Variants in GFM2 observed in about 807,000 individuals in gnomAD.
GFM2 encodes the protein GTP dependent ribosome recycling factor mitochondrial 2, also known as ribosome-releasing factor 2, mitochondrial.
GFM2 carries 72 observed loss-of-function variants against 95.4 expected under a neutral mutation model. The observed-to-expected ratio is 0.76, with a 90% CI of 0.62 to 0.92. The LOEUF (loss-of-function observed/expected upper bound fraction) is 0.92. Ranked by LOEUF, GFM2 falls within the 40% of genes least tolerant of loss-of-function variation. GFM2 has a pLI of 0.00. For missense variants in GFM2, 825 were observed against 924.1 expected, an observed-to-expected ratio of 0.89 and a Z score of 1.39; for synonymous variants, 276 against 317.5, an observed-to-expected ratio of 0.87 and a Z score of 1.39.
rs1028896850 is a variant in GFM2, at chr5:74,745,608, A to G, written c.849+70T>C. On this transcript the variant is annotated intron_variant, in intron 10 of 20. Coordinates refer to ENST00000296805, the MANE Select transcript of GFM2 (RefSeq NM_032380.5). The stretch of plus-strand genomic sequence containing the variant: ...CTGCAACCAATCCCCGAGAGATGCT[A>G]AAGTATGACTATATTTTAAGATAAG... 2.0e-5 allele frequency: 27 copies of G among 1,319,712 alleles called. No individual in the cohort carries two copies. The East Asian group carries it at 3.6e-4, about 17-fold the overall frequency. 81.8% of individuals were successfully genotyped at this position (1,319,712 alleles called of 1,614,324 possible).
chr5:74,753,949 T>G (rs1743844316), intron 5 of GFM2, among the ~76,000 whole-genome samples: 1 of 148,268 alleles, frequency 6.7e-6, no homozygotes, highest in African/African-American at 2.5e-5. Context: ...GAAACAATTT[T>G]AAGAGTGTGG....
intron 16 of GFM2, among the ~76,000 whole-genome samples, chr5:74,731,930 G>A (rs370587177): frequency 3.4e-5 from 5 of 149,064 alleles, no homozygotes; most frequent in African/African-American, 9.9e-5. Context: ...TTTTTTAAAC[G>A]TAGTGCCAGT....
At chr5:74,727,993 AT>A (rs756558982) in intron 17 of GFM2, among the ~76,000 whole-genome samples, 9 of 152,032 alleles carry the variant, frequency 5.9e-5, no homozygotes, top group East Asian at 3.9e-4. Context: ...CTTCATCAAC[AT>A]CTCTCCTTTC....
Position 74,759,440 on chromosome 5 carries a change from AG to A in GFM2, c.149-15del. On this transcript the variant is annotated splice_polypyrimidine_tract_variant and intron_variant, in intron 3 of 20. Transcript: ENST00000296805. ...TTCCTATTAAGCCTAATGAAAAGAA[AG>A]TTAAAATTGAACTGTTACATTTATG... The A allele has an allele frequency of 7.1e-7, 1 of 1,402,188 alleles. No individual in the cohort carries two copies. The highest frequency in any genetic ancestry group is 2.3e-5 in the East Asian group (1 of 43,382). The allele number at this position is 1,402,188 out of a possible 1,614,324, so 86.9% of individuals were successfully genotyped here. A position where few individuals can be genotyped will look rare whatever the true frequency, so the allele number is the denominator to read the frequency against.
chr5:74,751,613 T>G, intron 5 of GFM2, 120 bp from the exon 6 acceptor site: 1 of 680,928 alleles, frequency 1.5e-6, no homozygotes, highest in Non-Finnish European at 2.4e-6. Context: ...AATATTTGGT[T>G]TAATAGAGCC....
At chr5:74,722,784 T>C in intron 19 of GFM2, 1 of 416,850 alleles carries the variant, frequency 2.4e-6, no homozygotes, top group Non-Finnish European at 4.2e-6. Context: ...TTATAAAAAA[T>C]GCCTGTGAAC....
chr5:74,730,187 G>A, intron 17 of GFM2, 73 bp downstream of exon 17: 1 of 1,406,426 alleles, frequency 7.1e-7, no homozygotes, highest in South Asian at 1.4e-5. Flanking sequence ...TATGAACACT[G>A]CTTTCAGCAA....
At chr5:74,724,028 G>A (rs553588172) in intron 19 of GFM2, among the ~76,000 whole-genome samples, 1 of 152,208 alleles carries the variant, frequency 6.6e-6, no homozygotes, top group Admixed American at 6.6e-5. Context: ...CTTACAAGCA[G>A]AGAGAAGGAG....
Position 74,745,718 on chromosome 5 carries a change from A to G in GFM2, c.809T>C (p.Leu270Pro), listed in dbSNP as rs1743348978. 6.2e-7 allele frequency: 1 copy of G among 1,613,466 alleles called. No homozygotes were observed. The highest frequency in any genetic ancestry group is 1.1e-5 in the South Asian group (1 of 91,006). ...PLLEMNDPEL[L>P]KETTEARNAL... is the part of the protein sequence containing the mutation. Reference sequence around the variant, plus strand: ...ATTCCTTGCTTCAGTTGTTTCCTTCAGCAATTCAGGATCATTCATTTCCAA... The same window carrying G: ...ATTCCTTGCTTCAGTTGTTTCCTTCGGCAATTCAGGATCATTCATTTCCAA... The change falls in exon 10 of 21, where the codon CTG becomes CCG. Residue 270 changes from leucine (L) to proline (P), a missense_variant. Leu to Pro is a moderately conservative substitution (Grantham distance 98). Coordinates refer to ENST00000296805, the MANE Select transcript of GFM2 (RefSeq NM_032380.5).
At chr5:74,735,382 G>C (rs529589563) in intron 15 of GFM2, among the ~76,000 whole-genome samples, 2 of 152,112 alleles carry the variant, frequency 1.3e-5, no homozygotes, top group African/African-American at 2.4e-5. Flanking sequence ...ACTGGGCTAG[G>C]GATCTTCCTT....
chr5:74,726,236 G>A (rs1237095049), intron 17 of GFM2, 110 bp from the exon 18 acceptor site: 1 of 699,732 alleles, frequency 1.4e-6, no homozygotes, highest in Non-Finnish European at 2.4e-6. Context: ...ACAAGATAAA[G>A]TGGGAGAGAA....
In GFM2 at chr5:74,721,733, G is replaced by A. The variant is rs781474781; in HGVS notation, c.2262C>T (p.Ala754=). ...TGGCTTGATAAGTAGATAGTTCTAA[G>A]GCAAAAGTAGCTGAGCCTGATGTTA... ...RTLTSGSATF[A]LELSTYQAMN... The change falls in exon 21 of 21, where the codon GCC becomes GCT. Residue 754 remains alanine, a synonymous_variant. Transcript: ENST00000296805. 3.1e-6 allele frequency: 5 copies of A among 1,613,664 alleles called. No individual in the cohort carries two copies. The South Asian group carries it at 3.3e-5, about 11-fold the overall frequency.
intron 1 of GFM2, among the ~76,000 whole-genome samples, chr5:74,765,991 C>T (rs1471375725): frequency 6.6e-6 from 1 of 150,624 alleles, no homozygotes; most frequent in Non-Finnish European, 1.5e-5. Context: ...AAGATTGAAA[C>T]TCCGTCTCAA....
At chr5:74,755,033 T>C (rs1232277026) in intron 5 of GFM2, among the ~76,000 whole-genome samples, 1 of 151,890 alleles carries the variant, frequency 6.6e-6, no homozygotes, top group Admixed American at 6.6e-5. Context: ...GAGGTGGAGG[T>C]TGCAATGAGC....
At chr5:74,755,271 T>C (rs909725836) in intron 5 of GFM2, among the ~76,000 whole-genome samples, 1 of 151,494 alleles carries the variant, frequency 6.6e-6, no homozygotes, top group African/African-American at 2.4e-5. Context: ...GTTAAGAAAA[T>C]CAAAATTATA....
At chr5:74,748,432 G>A (rs764556742) in intron 7 of GFM2, among the ~76,000 whole-genome samples, 24 of 152,148 alleles carry the variant, frequency 1.6e-4, no homozygotes, top group Admixed American at 2.6e-4. Context: ...AACCTGTCTT[G>A]ATTTCTGTCA....
intron 4 of GFM2, 135 bp from the exon 5 acceptor site, chr5:74,759,081 G>C (rs1744143984): frequency 1.6e-6 from 1 of 638,118 alleles, no homozygotes; most frequent in East Asian, 2.7e-5. Flanking sequence ...AAAACATTTA[G>C]AGTATATCCA....
chr5:74,763,720 A>C lies in GFM2; in HGVS notation c.23T>G (p.Phe8Cys). MLTNLRIFAMSHQTIPSV... is the reference protein window; with the variant it reads MLTNLRICAMSHQTIPSV... ...GGGTATTGTCTGATGACTCATTGCA[A>C]ATATCCTCAAGTTGGTCAACATCTT... The change falls in exon 2 of 21, where the codon TTT becomes TGT. Residue 8 changes from phenylalanine to cysteine, a missense_variant. By Grantham distance (205) the Phe-to-Cys change is radical. Coordinates refer to ENST00000296805, the MANE Select transcript of GFM2 (RefSeq NM_032380.5). The C allele has an allele frequency of 6.2e-7, 1 of 1,607,008 alleles. No homozygotes were observed. The highest frequency in any genetic ancestry group is 1.7e-4 in the Middle Eastern group (1 of 6,046).
intron 19 of GFM2, 56 bp from the exon 20 acceptor site, chr5:74,722,617 T>A: frequency 7.0e-7 from 1 of 1,420,152 alleles, no homozygotes; most frequent in African/African-American, 1.4e-5. Flanking sequence ...TTAAAATAAA[T>A]ACAGCCTAGA....
Sources: gnomAD v4.1 joint callset for allele counts (sites outside exome capture counted in the v4.1 genomes callset) on GRCh38, gnomAD v4.1.1 for gene constraint, MANE v1.5 for transcripts, NCBI Gene and HGNC (gene_info 2026-07-23, HGNC 2026-07-21) for gene names.